SLC25A26: variants seen among roughly 807,000 people sequenced by gnomAD.
The protein encoded by SLC25A26 is mitochondrial S-adenosylmethionine carrier protein.
SLC25A26 carries 36 observed loss-of-function variants against 37.8 expected under a neutral mutation model. That is an observed-to-expected ratio of 0.95 (90% CI 0.73 to 1.26). The LOEUF (loss-of-function observed/expected upper bound fraction) is 1.26. SLC25A26 is among the 50% of genes most tolerant of loss of function. The pLI is 0.00. For synonymous variants in SLC25A26, 129 were observed against 122.5 expected, an observed-to-expected ratio of 1.05 and a Z score of -0.35; for missense variants, 390 against 331.1, an observed-to-expected ratio of 1.18 and a Z score of -1.38.
intron 6 of SLC25A26, among the ~76,000 whole-genome samples, chr3:66,349,222 AT>A (rs1403251702): frequency 4.0e-5 from 6 of 151,296 alleles, no homozygotes; most frequent in African/African-American, 7.3e-5. Context: ...AGATGCTGCC[AT>A]TTTTTTTTCT....
At chr3:66,260,314 A>C (rs955215238) in intron 3 of SLC25A26, among the ~76,000 whole-genome samples, 1 of 152,008 alleles carries the variant, frequency 6.6e-6, no homozygotes, top group Non-Finnish European at 1.5e-5. Context: ...ATCTGGCTCC[A>C]TATGTATTTC....
intron 1 of SLC25A26, among the ~76,000 whole-genome samples, chr3:66,188,682 T>C (rs2070877683): frequency 6.6e-6 from 1 of 152,132 alleles, no homozygotes. Context: ...ACCCCTTTTC[T>C]TTATAAATTA....
At chr3:66,210,471 T>C (rs1026204848) in intron 1 of SLC25A26, among the ~76,000 whole-genome samples, 4 of 151,714 alleles carry the variant, frequency 2.6e-5, no homozygotes, top group Admixed American at 2.6e-4. Flanking sequence ...GGAGTGGGGG[T>C]TGGCATATGC....
intron 5 of SLC25A26, among the ~76,000 whole-genome samples, chr3:66,297,144 A>AT (rs1333601232): frequency 2.0e-5 from 3 of 152,204 alleles, no homozygotes; most frequent in Non-Finnish European, 4.4e-5. Context: ...GGCCAACATG[A>AT]TGAAACCCCT....
chr3:66,166,143 A>G (rs537692771), intron 1 of SLC25A26, among the ~76,000 whole-genome samples: 1 of 152,348 alleles, frequency 6.6e-6, no homozygotes, highest in East Asian at 1.9e-4. Flanking sequence ...CCAACGTGGA[A>G]GGTCAGTCCT....
At chr3:66,290,224 TG>T (rs1321421929) in intron 5 of SLC25A26, among the ~76,000 whole-genome samples, 18 of 151,878 alleles carry the variant, frequency 1.2e-4, no homozygotes, top group Non-Finnish European at 1.6e-4. Context: ...GCAGAGTCGA[TG>T]GGGTTTTCCA....
At chr3:66,221,299 G>A (rs1314887849) in intron 1 of SLC25A26, 172 bp downstream of exon 1, 2 of 249,730 alleles carry the variant, frequency 8.0e-6, no homozygotes, top group Non-Finnish European at 1.3e-5. Flanking sequence ...GGCGGGCCAG[G>A]TGTTAAGGCT....
intron 1 of SLC25A26, among the ~76,000 whole-genome samples, chr3:66,144,099 T>A (rs1483189067): frequency 6.6e-6 from 1 of 152,100 alleles, no homozygotes; most frequent in African/African-American, 2.4e-5. Flanking sequence ...GGTGAGCTAC[T>A]TTCAATAGTT....
chr3:66,306,987 A>G (rs1198728525), intron 5 of SLC25A26, among the ~76,000 whole-genome samples: 1 of 151,942 alleles, frequency 6.6e-6, no homozygotes, highest in African/African-American at 2.4e-5. Context: ...GTGCCTTTAT[A>G]GTAGAATGAT....
chr3:66,352,679 G>C (rs1046920288), intron 6 of SLC25A26, among the ~76,000 whole-genome samples: 1 of 151,880 alleles, frequency 6.6e-6, no homozygotes, highest in Non-Finnish European at 1.5e-5. Context: ...TTACGTGCCA[G>C]GCATTTTCCA....
In SLC25A26 at chr3:66,182,301, A is replaced by C. The variant is rs375715099; in HGVS notation, c.-353-38441A>C. Reference sequence around the variant, plus strand: ...AGCAGATTTCATATTGCAATTTGTTATTTAGAAAAATGTCCCCCAAAAGCT... The same window carrying C: ...AGCAGATTTCATATTGCAATTTGTTCTTTAGAAAAATGTCCCCCAAAAGCT... On this transcript the variant is annotated intron_variant, in intron 1 of 10. Transcript: ENST00000676754. Among the ~76,000 whole-genome samples the C allele has an allele frequency of 2.0e-4, 31 of 152,256 alleles. No individual in the cohort carries two copies. In the East Asian group the frequency reaches 5.8e-3, roughly 28 times the overall value.
chr3:66,150,223 C>A (rs2070179375), intron 1 of SLC25A26, among the ~76,000 whole-genome samples: 1 of 151,830 alleles, frequency 6.6e-6, no homozygotes, highest in Admixed American at 6.6e-5. Flanking sequence ...ATAGGCCGGG[C>A]ATGGTGGCAC....
intron 1 of SLC25A26, among the ~76,000 whole-genome samples, chr3:66,210,043 C>T (rs1051742118): frequency 5.4e-5 from 8 of 146,818 alleles, no homozygotes; most frequent in Admixed American, 1.4e-4. Context: ...GCCTATTGGA[C>T]CTTCCTGATG....
intron 7 of SLC25A26, among the ~76,000 whole-genome samples, chr3:66,367,456 G>T (rs1426301290): frequency 1.3e-5 from 2 of 152,160 alleles, no homozygotes; most frequent in Non-Finnish European, 2.9e-5. Context: ...TTCAGCCACA[G>T]AATAAGTAAT....
intron 5 of SLC25A26, among the ~76,000 whole-genome samples, chr3:66,314,477 C>T (rs552789536): frequency 2.6e-4 from 40 of 152,112 alleles, no homozygotes; most frequent in African/African-American, 7.5e-4. Context: ...GACTTGATCA[C>T]GGTGGATAAG....
chr3:66,168,134 C>T (rs998939887), intron 1 of SLC25A26, among the ~76,000 whole-genome samples: 1 of 63,740 alleles, frequency 1.6e-5, no homozygotes, highest in African/African-American at 8.4e-5. Context: ...GACTGGGCAA[C>T]AAGAGCAAAA....
chr3:66,361,696 G>A (rs1456045479), intron 6 of SLC25A26, among the ~76,000 whole-genome samples: 1 of 152,200 alleles, frequency 6.6e-6, no homozygotes, highest in Non-Finnish European at 1.5e-5. Flanking sequence ...AGGCACGGTG[G>A]CTCACACCTG....
At chr3:66,331,675 G>A (rs1421964705) in intron 5 of SLC25A26, among the ~76,000 whole-genome samples, 1 of 152,056 alleles carries the variant, frequency 6.6e-6, no homozygotes. Flanking sequence ...TTTAAAAAAT[G>A]TCTTGTTACT....
chr3:66,149,099 C>T (rs2070161977), intron 1 of SLC25A26, among the ~76,000 whole-genome samples: 1 of 152,150 alleles, frequency 6.6e-6, no homozygotes, highest in Non-Finnish European at 1.5e-5. Context: ...CAACATGCCC[C>T]ATCTCTGTGG....
Sources: allele counts gnomAD v4.1 joint callset (sites outside exome capture counted in the v4.1 genomes callset), GRCh38; gene constraint gnomAD v4.1.1; transcripts MANE v1.5; gene names NCBI Gene and HGNC (gene_info 2026-07-23, HGNC 2026-07-21).